Variants in TMEM132D observed in about 807,000 individuals in gnomAD.
TMEM132D encodes mature OL transmembrane protein.
A neutral mutation model predicts 62.3 loss-of-function variants in TMEM132D; 21 were observed. The ratio of observed to expected loss-of-function variants is 0.34; its 90% CI spans 0.24 to 0.49. TMEM132D has a LOEUF of 0.49. TMEM132D is among the 20% of genes least tolerant of loss of function. TMEM132D has a pLI of 0.99. For synonymous variants in TMEM132D, 621 were observed against 575.6 expected (o/e 1.08, Z -1.13); for missense variants, 1,346 against 1,402.8 (o/e 0.96, Z 0.65).
rs1326335322 is a variant in TMEM132D at position 129,308,324 on chromosome 12, C to G, written c.1299+29310G>C. Among the ~76,000 whole-genome samples, 4 of 152,168 alleles carry G rather than the reference C, an allele frequency of 2.6e-5. No individual in the cohort carries two copies. The East Asian group carries it at 7.7e-4, about 29-fold the overall frequency. On this transcript the variant is annotated intron_variant, in intron 4 of 8. Transcript: ENST00000422113. ...AACCATGTTTTCTTTACCCTACATT[C>G]TAGGCATGATACGTAAACATCCATA...
At position 129,144,686 on chromosome 12, in the gene TMEM132D, C is replaced by CATCT. The variant is rs57315485; in HGVS notation, c.1444-59988_1444-59985dup. ...TGACCTATCTATTGAGCTTATCTAT[C>CATCT]ATCTATCTATCTATCTATCTAGCGA... is the stretch of plus-strand genomic sequence containing the variant. On this transcript the variant is annotated intron_variant, in intron 5 of 8. Coordinates refer to ENST00000422113, the MANE Select transcript of TMEM132D (RefSeq NM_133448.3). Among the ~76,000 whole-genome samples the CATCT allele has an allele frequency of 6.6e-3, 1,002 of 151,430 alleles. 14 individuals carry two copies. The highest frequency in any genetic ancestry group is 0.022 in the African/African-American group (917 of 41,172).
rs541779759 is a variant in TMEM132D at position 129,565,314 on chromosome 12, AG to A, written c.969-34110del. On this transcript the variant is annotated intron_variant, in intron 2 of 8. Coordinates refer to ENST00000422113, the MANE Select transcript of TMEM132D (RefSeq NM_133448.3). ...CAGGAAACTAGACCTAGACAAAAGC[AG>A]GGACTTGAGATAGAGGCAGGGACTT... 1.3e-3 allele frequency among the ~76,000 whole-genome samples: 202 copies of A among 152,366 alleles called. 1 individual carries two copies. The highest frequency in any genetic ancestry group is 4.4e-3 in the African/African-American group (182 of 41,592).
chr12:129,693,554 C>A (rs1437823094), intron 2 of TMEM132D, among the ~76,000 whole-genome samples: 1 of 152,072 alleles, frequency 6.6e-6, no homozygotes, highest in Non-Finnish European at 1.5e-5. Context: ...ACCTGACAGA[C>A]CCAGCCTCAG....
At chr12:129,502,157 G>A (rs923463465) in intron 3 of TMEM132D, among the ~76,000 whole-genome samples, 5 of 152,008 alleles carry the variant, frequency 3.3e-5, no homozygotes, top group South Asian at 2.1e-4. Context: ...CCGTCACCAC[G>A]CCCGGCTAAT....
intron 1 of TMEM132D, among the ~76,000 whole-genome samples, chr12:129,713,089 A>G (rs1463227231): frequency 1.3e-5 from 2 of 152,144 alleles, no homozygotes; most frequent in African/African-American, 4.8e-5. Flanking sequence ...TCAAGCCACG[A>G]GATCTTCGTG....
intron 2 of TMEM132D, among the ~76,000 whole-genome samples, chr12:129,532,794 G>C (rs961459796): frequency 6.6e-6 from 1 of 152,180 alleles, no homozygotes; most frequent in African/African-American, 2.4e-5. Flanking sequence ...CTGAACTCCT[G>C]GGCTCAGGTG....
intron 2 of TMEM132D, among the ~76,000 whole-genome samples, chr12:129,551,310 G>C (rs1876888241): frequency 6.6e-6 from 1 of 152,244 alleles, no homozygotes; most frequent in South Asian, 2.1e-4. Context: ...GCGAGCAAAA[G>C]TGGAACAACA....
At chr12:129,183,933 T>A (rs957940933) in intron 5 of TMEM132D, among the ~76,000 whole-genome samples, 2 of 152,334 alleles carry the variant, frequency 1.3e-5, no homozygotes, top group East Asian at 3.9e-4. Context: ...AACCACTCAC[T>A]GTTGTCTCCG....
rs914632060 is a variant in TMEM132D at position 129,545,049 on chromosome 12, C to T, written c.969-13844G>A. On this transcript the variant is annotated intron_variant, in intron 2 of 8. Transcript: ENST00000422113. ...CAATGCATCCAATGAGGCTGGCCTC[C>T]GACAATGATCAGCTTTCTTCTTTCT... Among the ~76,000 whole-genome samples, 10 of 152,288 alleles carry T rather than the reference C, an allele frequency of 6.6e-5. No homozygotes were observed. In the East Asian group the frequency reaches 1.2e-3, roughly 18 times the overall value.
chr12:129,799,076 C>G (rs1244442198), intron 1 of TMEM132D, among the ~76,000 whole-genome samples: 1 of 151,944 alleles, frequency 6.6e-6, no homozygotes, highest in Non-Finnish European at 1.5e-5. Context: ...CCAATCCTGT[C>G]CAACACAGTG....
chr12:129,627,248 G>A (rs1181602803), intron 2 of TMEM132D, among the ~76,000 whole-genome samples: 2 of 152,250 alleles, frequency 1.3e-5, no homozygotes, highest in South Asian at 2.1e-4. Flanking sequence ...GCTCACATAC[G>A]AATCATGTAA....
At chr12:129,776,377 T>A (rs1360329060) in intron 1 of TMEM132D, among the ~76,000 whole-genome samples, 1 of 152,162 alleles carries the variant, frequency 6.6e-6, no homozygotes, top group Non-Finnish European at 1.5e-5. Context: ...TTGGGAAGCT[T>A]TTTTTGGAAG....
intron 5 of TMEM132D, among the ~76,000 whole-genome samples, chr12:129,185,178 T>C (rs1200278239): frequency 2.0e-5 from 3 of 152,214 alleles, no homozygotes; most frequent in Admixed American, 2.0e-4. Flanking sequence ...GGAGACCATC[T>C]GTATGACCTC....
At chr12:129,400,604 T>C (rs2135700037) in intron 3 of TMEM132D, among the ~76,000 whole-genome samples, 1 of 152,284 alleles carries the variant, frequency 6.6e-6, no homozygotes, top group East Asian at 1.9e-4. Context: ...TGGACTATTT[T>C]GACGACAAAA....
At chr12:129,860,088 T>G (rs1873843263) in intron 1 of TMEM132D, among the ~76,000 whole-genome samples, 1 of 152,206 alleles carries the variant, frequency 6.6e-6, no homozygotes, top group Non-Finnish European at 1.5e-5. Context: ...CACAGGGGAC[T>G]CACACTGCCC....
intron 1 of TMEM132D, among the ~76,000 whole-genome samples, chr12:129,877,601 A>ACGCG (rs201072973): frequency 2.9e-5 from 4 of 139,508 alleles, no homozygotes; most frequent in African/African-American, 7.8e-5. Context: ...TATTAACCAA[A>ACGCG]CGCGCGCGCG....
intron 3 of TMEM132D, among the ~76,000 whole-genome samples, chr12:129,511,787 C>A (rs1185202137): frequency 6.6e-6 from 1 of 152,162 alleles, no homozygotes; most frequent in Non-Finnish European, 1.5e-5. Context: ...CAAAAATATT[C>A]TGTGGTTTAT....
intron 1 of TMEM132D, among the ~76,000 whole-genome samples, chr12:129,792,598 G>A (rs928548964): frequency 1.8e-4 from 27 of 152,180 alleles, no homozygotes; most frequent in African/African-American, 6.0e-4. Context: ...GGGCGTTGAC[G>A]GTCAGGCAAT....
At chr12:129,837,223 G>A (rs1213697033) in intron 1 of TMEM132D, among the ~76,000 whole-genome samples, 1 of 152,150 alleles carries the variant, frequency 6.6e-6, no homozygotes, top group Non-Finnish European at 1.5e-5. Flanking sequence ...ATGCATGTTT[G>A]TGGAAAGTAT....
Sources: allele counts gnomAD v4.1 joint callset (sites outside exome capture counted in the v4.1 genomes callset), GRCh38; gene constraint gnomAD v4.1.1; transcripts MANE v1.5; gene names NCBI Gene and HGNC (gene_info 2026-07-23, HGNC 2026-07-21).